The following LRRC37A2 variants were observed in gnomAD, a reference collection of about 807,000 sequenced individuals.
The protein encoded by LRRC37A2 is leucine-rich repeat-containing protein 37A2.
In LRRC37A2, 9 loss-of-function variants were observed where a neutral mutation model predicts 68.8. The observed-to-expected ratio is 0.13, with a 90% CI of 0.08 to 0.23. The LOEUF (loss-of-function observed/expected upper bound fraction) is 0.23. Among genes scored for constraint, LRRC37A2 ranks in the 10% least tolerant of loss-of-function variants. LRRC37A2 has a pLI of 1.00. For missense variants in LRRC37A2, 168 were observed against 950.4 expected, an observed-to-expected ratio of 0.18 and a Z score of 10.82; for synonymous variants, 63 against 367.6, an observed-to-expected ratio of 0.17 and a Z score of 9.48.
At chr17:46,878,478 A>G in the LRRC37A2 span, among the ~76,000 whole-genome samples, 1 of 152,176 alleles carries the variant, frequency 6.6e-6, no homozygotes, top group Non-Finnish European at 1.5e-5. Context: ...TGAGAAGCCA[A>G]ACTGACCTGA....
chr17:46,938,735 T>C, the LRRC37A2 span: 1 of 1,613,906 alleles, frequency 6.2e-7, no homozygotes, highest in East Asian at 2.2e-5. Flanking sequence ...GTGGTCATGT[T>C]CCTCGTGGTG....
chr17:46,809,360 G>A, the LRRC37A2 span, among the ~76,000 whole-genome samples: 52 of 152,170 alleles, frequency 3.4e-4, no homozygotes, highest in Admixed American at 1.3e-4. Flanking sequence ...TTTCCTTGCC[G>A]GCCCAGCTGG....
chr17:46,819,744 C>A, the LRRC37A2 span, among the ~76,000 whole-genome samples: 1 of 152,242 alleles, frequency 6.6e-6, no homozygotes, highest in African/African-American at 2.4e-5. This position sits in a 1 kb window ranked among gnomAD's most constrained non-coding sequence, Gnocchi z 5.3. Context: ...CAGTTACCCA[C>A]CCCTCCCCAC....
chr17:46,830,837 CCTT>C, the LRRC37A2 span: 2 of 398,284 alleles, frequency 5.0e-6, no homozygotes, highest in East Asian at 3.6e-5. Flanking sequence ...CTCCTTCACT[CCTT>C]CTGAGTATCC....
chr17:46,777,607 G>C, the LRRC37A2 span, among the ~76,000 whole-genome samples: 1 of 152,260 alleles, frequency 6.6e-6, no homozygotes, highest in Non-Finnish European at 1.5e-5. Flanking sequence ...CAGTTACCCG[G>C]ATACTGGCAA....
At chr17:46,835,640 C>G in the LRRC37A2 span, among the ~76,000 whole-genome samples, 1 of 152,362 alleles carries the variant, frequency 6.6e-6, no homozygotes, top group South Asian at 2.1e-4. Context: ...TGTAGTCATT[C>G]CTGACCTACA....
the LRRC37A2 span, chr17:46,931,933 G>T: frequency 1.3e-6 from 1 of 782,310 alleles, no homozygotes; most frequent in Non-Finnish European, 2.3e-6. Flanking sequence ...TAGATCTTGT[G>T]GTGAGGGGGT....
chr17:46,999,071 A>T, the LRRC37A2 span, among the ~76,000 whole-genome samples: 2 of 152,186 alleles, frequency 1.3e-5, no homozygotes, highest in Non-Finnish European at 2.9e-5. Context: ...GCTGAACTAC[A>T]ATACTCACCA....
chr17:47,011,636 C>T, the LRRC37A2 span, among the ~76,000 whole-genome samples: 4 of 151,224 alleles, frequency 2.6e-5, no homozygotes, highest in Non-Finnish European at 4.4e-5. Context: ...AAACTCCTGG[C>T]CTTAAGCGAT....
the LRRC37A2 span, among the ~76,000 whole-genome samples, chr17:46,927,019 C>T: frequency 6.6e-6 from 1 of 152,186 alleles, no homozygotes; most frequent in Non-Finnish European, 1.5e-5. Context: ...ATCCTACCAG[C>T]TGGGTATGAG....
the LRRC37A2 span, among the ~76,000 whole-genome samples, chr17:46,490,889 T>C: frequency 1.3e-5 from 2 of 149,922 alleles, no homozygotes; most frequent in Non-Finnish European, 3.0e-5. Context: ...TTTTTTTTTC[T>C]TTTGAGCAAA....
chr17:46,983,809 G>C, the LRRC37A2 span, among the ~76,000 whole-genome samples: 71,000 of 152,170 alleles, frequency 0.47, 17,246 homozygotes, highest in Non-Finnish European at 0.54. Flanking sequence ...CTGGCTCAAG[G>C]TCTCTCATGA....
At chr17:46,809,554 C>T in the LRRC37A2 span, among the ~76,000 whole-genome samples, 1 of 152,210 alleles carries the variant, frequency 6.6e-6, no homozygotes, top group African/African-American at 2.4e-5. Flanking sequence ...TCCTAGTTTG[C>T]TAGGCCTTAC....
At chr17:46,887,621 G>A in the LRRC37A2 span, among the ~76,000 whole-genome samples, 1 of 151,974 alleles carries the variant, frequency 6.6e-6, no homozygotes, top group Admixed American at 6.6e-5. Context: ...GAAATTAGCC[G>A]GGCATGGTGG....
At chr17:46,878,526 C>T in the LRRC37A2 span, among the ~76,000 whole-genome samples, 1 of 152,222 alleles carries the variant, frequency 6.6e-6, no homozygotes, top group Non-Finnish European at 1.5e-5. Context: ...ACCCAAGCAC[C>T]TGGCCCACAC....
the LRRC37A2 span, among the ~76,000 whole-genome samples, chr17:46,769,172 C>T: frequency 1.3e-5 from 2 of 152,042 alleles, no homozygotes; most frequent in African/African-American, 4.8e-5. Flanking sequence ...CAAAAATTAG[C>T]TGGTGTGGTG....
chr17:46,724,443 C>T, the LRRC37A2 span, among the ~76,000 whole-genome samples: 1 of 152,114 alleles, frequency 6.6e-6, no homozygotes, highest in Non-Finnish European at 1.5e-5. Context: ...CCATGATAGC[C>T]AAGGCAGGGA....
the LRRC37A2 span, among the ~76,000 whole-genome samples, chr17:46,994,074 C>T: frequency 1.3e-5 from 2 of 152,204 alleles, no homozygotes; most frequent in Admixed American, 1.3e-4. Flanking sequence ...GTGGAATCAC[C>T]TGCACTGATT....
chr17:46,939,580 T>C, the LRRC37A2 span: 1 of 985,430 alleles, frequency 1.0e-6, no homozygotes, highest in Non-Finnish European at 1.2e-6. Flanking sequence ...AGGCAAAGAT[T>C]TGTGATTTTC....
Sources: gnomAD v4.1 joint callset for allele counts (sites outside exome capture counted in the v4.1 genomes callset) on GRCh38, gnomAD v4.1.1 for gene constraint, Gnocchi (gnomAD v3.1) non-coding constraint, MANE v1.5 for transcripts, NCBI Gene and HGNC (gene_info 2026-07-23, HGNC 2026-07-21) for gene names.